Variants in MEIS1 observed in about 807,000 individuals in gnomAD.
MEIS1 encodes the protein Meis homeobox 1, also known as homeobox protein Meis1.
MEIS1 carries 5 observed loss-of-function variants against 50.8 expected under a neutral mutation model. The ratio of observed to expected loss-of-function variants is 0.10; its 90% confidence interval spans 0.05 to 0.21. The LOEUF is 0.21. Among genes scored for constraint, MEIS1 ranks in the 10% least tolerant of loss-of-function variants. The pLI is 1.00. For synonymous variants in MEIS1, 176 were observed against 179.3 expected, an observed-to-expected ratio of 0.98 and a Z score of 0.15; for missense variants, 318 against 517.3, an observed-to-expected ratio of 0.61 and a Z score of 3.74.
intron 8 of MEIS1, among the ~76,000 whole-genome samples, chr2:66,533,570 T>G (rs1372013041): frequency 1.3e-5 from 2 of 152,226 alleles, no homozygotes; most frequent in East Asian, 1.9e-4. Context: ...ATTTATTTAC[T>G]TCTGTGAAGC....
chr2:66,503,799 C>A (rs1289832885), intron 7 of MEIS1, among the ~76,000 whole-genome samples: 1 of 126,960 alleles, frequency 7.9e-6, no homozygotes, highest in African/African-American at 3.1e-5. Flanking sequence ...GGCTGGAGTG[C>A]AATGGCGCGA....
chr2:66,443,792 CCGGCGGCT>C (rs1672059841), intron 6 of MEIS1: 1 of 152,560 alleles, frequency 6.6e-6, no homozygotes, highest in South Asian at 2.1e-4. Context: ...CAGGGGCACC[CCGGCGGCT>C]CCCTGGGTAA....
At chr2:66,539,358 TTAAGA>T (rs1299333247) in intron 8 of MEIS1, among the ~76,000 whole-genome samples, 4 of 152,152 alleles carry the variant, frequency 2.6e-5, no homozygotes, top group Non-Finnish European at 5.9e-5. Flanking sequence ...CACACATACG[TTAAGA>T]TAATAGTTTT....
intron 8 of MEIS1, among the ~76,000 whole-genome samples, chr2:66,513,168 C>G (rs1673874957): frequency 6.6e-6 from 1 of 151,834 alleles, no homozygotes; most frequent in Admixed American, 6.6e-5. Flanking sequence ...AATTGTTGAC[C>G]AGAGGAATTT....
At chr2:66,549,641 A>T (rs112359659) in intron 9 of MEIS1, among the ~76,000 whole-genome samples, 1 of 152,170 alleles carries the variant, frequency 6.6e-6, no homozygotes, top group Non-Finnish European at 1.5e-5. Flanking sequence ...GACAGTTTTA[A>T]TACAATGGAG....
rs139329952 is a variant in MEIS1, at chr2:66,483,365, C to T, written c.742+19145C>T. On this transcript the variant is annotated intron_variant, in intron 7 of 12. Coordinates refer to ENST00000272369, the MANE Select transcript of MEIS1 (RefSeq NM_002398.3). ...CTGGGATTACAGGCGTGAGCCACCGCGCCCGGCTGGACTGGTGTCCATTTC... is the reference window on the plus strand; with the variant it reads ...CTGGGATTACAGGCGTGAGCCACCGTGCCCGGCTGGACTGGTGTCCATTTC... Among the ~76,000 whole-genome samples the T allele has an allele frequency of 3.9e-3, 591 of 151,990 alleles. 7 individuals carry two copies. The highest frequency in any genetic ancestry group is 0.013 in the African/African-American group (546 of 41,476).
At chr2:66,465,815 A>G (rs1290552689) in intron 7 of MEIS1, among the ~76,000 whole-genome samples, 1 of 152,178 alleles carries the variant, frequency 6.6e-6, no homozygotes, top group Non-Finnish European at 1.5e-5. Flanking sequence ...GGATTTTCAG[A>G]TAGCAAATGC....
intron 8 of MEIS1, among the ~76,000 whole-genome samples, chr2:66,526,670 A>T (rs897666141): frequency 3.3e-5 from 5 of 152,198 alleles, no homozygotes; most frequent in Non-Finnish European, 5.9e-5. Context: ...ATTTATGGTA[A>T]GTTTAGTGAA....
chr2:66,528,386 G>T (rs943254542), intron 8 of MEIS1, among the ~76,000 whole-genome samples: 3 of 152,022 alleles, frequency 2.0e-5, no homozygotes, highest in African/African-American at 7.2e-5. Flanking sequence ...AGCAAGGAAG[G>T]TACAGTGGTA....
chr2:66,438,215 G>T (rs1461767198), intron 2 of MEIS1, among the ~76,000 whole-genome samples: 2 of 152,222 alleles, frequency 1.3e-5, no homozygotes, highest in African/African-American at 4.8e-5. Context: ...CAGATGAGAA[G>T]AAGCTGGCTA....
At chr2:66,544,492 C>T (rs1674740043) in intron 8 of MEIS1, among the ~76,000 whole-genome samples, 1 of 151,914 alleles carries the variant, frequency 6.6e-6, no homozygotes, top group Admixed American at 6.6e-5. Context: ...GACACTAAGG[C>T]CAAGAACTAT....
intron 7 of MEIS1, 91 bp downstream of exon 7, chr2:66,464,311 T>C: frequency 9.6e-7 from 1 of 1,047,088 alleles, no homozygotes. Context: ...GTATACAGTT[T>C]TTCCTAGAAG....
At chr2:66,537,742 T>G (rs1251128756) in intron 8 of MEIS1, among the ~76,000 whole-genome samples, 3 of 152,224 alleles carry the variant, frequency 2.0e-5, no homozygotes, top group African/African-American at 7.2e-5. Context: ...CTTCCTTGTC[T>G]TTCTACTTAA....
chr2:66,531,224 A>G (rs1162419820), intron 8 of MEIS1, among the ~76,000 whole-genome samples: 1 of 152,196 alleles, frequency 6.6e-6, no homozygotes, highest in Non-Finnish European at 1.5e-5. Flanking sequence ...GCTCCAGAAG[A>G]GTCTACTGTT....
At chr2:66,507,159 T>C (rs745516240) in intron 7 of MEIS1, among the ~76,000 whole-genome samples, 10 of 152,248 alleles carry the variant, frequency 6.6e-5, no homozygotes, top group Non-Finnish European at 2.9e-5. Context: ...TTCATAAGCA[T>C]ACTTTTGAAT....
chr2:66,569,069 C>T lies in MEIS1; in HGVS notation c.1134C>T (p.Gly378=), dbSNP rs753744856. 6.8e-6 allele frequency: 11 copies of T among 1,613,630 alleles called. No individual in the cohort carries two copies. The highest frequency in any genetic ancestry group is 9.3e-6 in the Non-Finnish European group (11 of 1,179,782). The change falls in exon 12 of 13, where the codon GGC becomes GGT. Residue 378 remains glycine, a synonymous_variant. Coordinates refer to ENST00000272369, the MANE Select transcript of MEIS1 (RefSeq NM_002398.3). ...IRAPGPMSGM[G]MNMGMEGQWH... is the part of the protein sequence containing the mutation. Reference sequence around the variant, plus strand: ...TTCTAGGACCTATGAGTGGAATGGGCATGAATATGGGCATGGAGGGGCAGT... The same window carrying T: ...TTCTAGGACCTATGAGTGGAATGGGTATGAATATGGGCATGGAGGGGCAGT...
At chr2:66,444,884 C>T (rs1284071103) in intron 6 of MEIS1, among the ~76,000 whole-genome samples, 1 of 152,222 alleles carries the variant, frequency 6.6e-6, no homozygotes, top group Non-Finnish European at 1.5e-5. Flanking sequence ...ATGAAATCAA[C>T]ACTTTAATTG....
At chr2:66,438,104 T>C (rs1233190383) in intron 2 of MEIS1, 141 bp downstream of exon 2, 10 of 815,616 alleles carry the variant, frequency 1.2e-5, no homozygotes, top group Non-Finnish European at 1.9e-5. Context: ...CATGGATAAT[T>C]TGGGGAGGTG....
chr2:66,440,539 C>A, intron 3 of MEIS1, 23 bp from the exon 4 acceptor site: 1 of 1,606,640 alleles, frequency 6.2e-7, no homozygotes, highest in Non-Finnish European at 8.5e-7. Context: ...TCCCTCTCCC[C>A]TCTCCTTCTC....
Sources: gnomAD v4.1 joint callset for allele counts (sites outside exome capture counted in the v4.1 genomes callset) on GRCh38, gnomAD v4.1.1 for gene constraint, MANE v1.5 for transcripts, NCBI Gene and HGNC (gene_info 2026-07-23, HGNC 2026-07-21) for gene names.